The following NHEJ1 variants were observed in gnomAD, a reference collection of about 807,000 sequenced individuals.
NHEJ1 encodes the protein non-homologous end-joining factor 1.
NHEJ1 carries 22 observed loss-of-function variants against 39.4 expected under a neutral mutation model. The observed-to-expected ratio is 0.56, with a 90% CI of 0.40 to 0.80. The LOEUF (loss-of-function observed/expected upper bound fraction) is 0.80, where lower values mean the gene tolerates loss of function less well. NHEJ1 is among the 30% of genes least tolerant of loss of function. The pLI, the probability that NHEJ1 is intolerant of heterozygous loss-of-function variation, is 0.00. For synonymous variants in NHEJ1, 154 were observed against 135.6 expected, an observed-to-expected ratio of 1.14 and a Z score of -0.94; for missense variants, 329 against 357.1, an observed-to-expected ratio of 0.92 and a Z score of 0.63.
At chr2:219,122,346 T>A (rs747571327) in intron 5 of NHEJ1, among the ~76,000 whole-genome samples, 1 of 152,216 alleles carries the variant, frequency 6.6e-6, no homozygotes, top group African/African-American at 2.4e-5. Flanking sequence ...ACAGCACTCT[T>A]ACTTTGGTAA....
chr2:219,089,729 G>A (rs1574705782), intron 5 of NHEJ1, among the ~76,000 whole-genome samples: 1 of 152,032 alleles, frequency 6.6e-6, no homozygotes, highest in Admixed American at 6.5e-5. Context: ...TATACTTTTC[G>A]GTATATTTCA....
intron 3 of NHEJ1, among the ~76,000 whole-genome samples, chr2:219,152,384 T>C (rs1388729710): frequency 6.6e-6 from 1 of 152,066 alleles, no homozygotes; most frequent in Non-Finnish European, 1.5e-5. Context: ...AGCGGGAGAA[T>C]CACTTAGGCC....
At chr2:219,129,768 G>C (rs995958338) in intron 5 of NHEJ1, among the ~76,000 whole-genome samples, 3 of 152,204 alleles carry the variant, frequency 2.0e-5, no homozygotes, top group African/African-American at 7.2e-5. Flanking sequence ...GCGCGGCCAG[G>C]GGAGCCGTGC....
At chr2:219,126,705 T>C (rs1330545233) in intron 5 of NHEJ1, among the ~76,000 whole-genome samples, 3 of 151,978 alleles carry the variant, frequency 2.0e-5, no homozygotes, top group Admixed American at 6.5e-5. Flanking sequence ...AGTGTTGATA[T>C]GGCCTACGAT....
chr2:219,100,606 C>CT (rs1401828772), intron 5 of NHEJ1, among the ~76,000 whole-genome samples: 1 of 132,450 alleles, frequency 7.6e-6, no homozygotes, highest in African/African-American at 3.0e-5. Context: ...ATAAGACTGT[C>CT]TTTAAAAAAA....
intron 5 of NHEJ1, among the ~76,000 whole-genome samples, chr2:219,083,048 A>G (rs1208980098): frequency 6.6e-6 from 1 of 152,192 alleles, no homozygotes; most frequent in Non-Finnish European, 1.5e-5. Flanking sequence ...TCTTCAAGAA[A>G]TGTAACTCCC....
chr2:219,118,238 C>A (rs1408908358), intron 5 of NHEJ1, among the ~76,000 whole-genome samples: 1 of 152,226 alleles, frequency 6.6e-6, no homozygotes, highest in Admixed American at 6.5e-5. Context: ...TCTTTCTCTT[C>A]AGACTCCTCA....
At chr2:219,112,803 C>T (rs1949377445) in intron 5 of NHEJ1, among the ~76,000 whole-genome samples, 1 of 152,180 alleles carries the variant, frequency 6.6e-6, no homozygotes, top group South Asian at 2.1e-4. Flanking sequence ...CCCTCCTTTA[C>T]ACTCATGACT....
chr2:219,142,792 T>A (rs1949704007), intron 5 of NHEJ1, among the ~76,000 whole-genome samples: 1 of 152,238 alleles, frequency 6.6e-6, no homozygotes, highest in Non-Finnish European at 1.5e-5. Context: ...TATAGGGTTC[T>A]TGGCCTCCAT....
Position 219,147,756 on chromosome 2 carries a change from G to A in NHEJ1, c.430C>T (p.Leu144=). Residue 144 remains leucine, a synonymous_variant, in exon 4 of 8, where the codon CTG becomes TTG. Transcript: ENST00000356853. ...TCCCTCACTTGGCACTGTAATGCCAGACTCATGCCCATCAGAGGACGAATC... is the reference window on the plus strand; with the variant it reads ...TCCCTCACTTGGCACTGTAATGCCAAACTCATGCCCATCAGAGGACGAATC... ...HLIRPLMGMS[L]ALQCQVRELA... 1 of 1,614,076 alleles carries A rather than the reference G, an allele frequency of 6.2e-7. No homozygotes were observed. Among genetic ancestry groups the A allele is most frequent in the Non-Finnish European group, 8.5e-7 (1 of 1,179,946 alleles).
chr2:219,099,708 T>C (rs953513363), intron 5 of NHEJ1, among the ~76,000 whole-genome samples: 3 of 151,650 alleles, frequency 2.0e-5, no homozygotes, highest in Non-Finnish European at 4.4e-5. Flanking sequence ...GTAAGAGGAC[T>C]ATGAAAGAAG....
rs758728973 is a variant in NHEJ1 at position 219,076,438 on chromosome 2, C to T, written c.843G>A (p.Leu281=). ...EKESTGTSGP[L]QRPQLSKVKR... The stretch of plus-strand genomic sequence containing the variant: ...TGACCTTTGACAGCTGAGGTCTCTG[C>T]AGAGGGCCTGAAGTACCCTAGAAAA... The change falls in exon 8 of 8, where the codon CTG becomes CTA. Residue 281 remains leucine (L), a synonymous_variant. Transcript: ENST00000356853. 1 of 1,613,952 alleles carries T rather than the reference C, an allele frequency of 6.2e-7. No individual in the cohort carries two copies.
intron 5 of NHEJ1, among the ~76,000 whole-genome samples, chr2:219,138,541 G>T (rs1015125074): frequency 2.0e-4 from 30 of 152,216 alleles, no homozygotes; most frequent in Non-Finnish European, 4.0e-4. Flanking sequence ...AACACTTATA[G>T]AGTGCCTACT....
At chr2:219,126,085 GACCTTCT>G (rs1185986307) in intron 5 of NHEJ1, among the ~76,000 whole-genome samples, 1 of 152,136 alleles carries the variant, frequency 6.6e-6, no homozygotes, top group Admixed American at 6.5e-5. Context: ...ATTTTTCCTT[GACCTTCT>G]GTGTAATGAT....
intron 5 of NHEJ1, among the ~76,000 whole-genome samples, chr2:219,130,044 CTTTTT>C (rs11337813): frequency 7.4e-6 from 1 of 134,806 alleles, no homozygotes. Flanking sequence ...TATGTCCCTT[CTTTTT>C]TTTTTTTTTG....
rs2106320135 is a variant in NHEJ1, at chr2:219,078,157, T to C, written c.638A>G (p.Asn213Ser). 7.4e-6 allele frequency: 12 copies of C among 1,614,156 alleles called. No homozygotes were observed. The highest frequency in any genetic ancestry group is 1.0e-5 in the Non-Finnish European group (12 of 1,180,020). The part of the protein sequence containing the change: ...SIGDGKPFVM[N>S]LQDLYMAVTT... ...GACTGCCATATACAGATCCTGCAGA[T>C]TCATGACAAAGGGCTTTCCATCACC... Residue 213 changes from asparagine to serine, a missense_variant, in exon 6 of 8, where the codon AAT (asparagine) becomes AGT (serine). Physicochemically the swap from Asn to Ser is conservative, Grantham distance 46. Coordinates refer to ENST00000356853, the MANE Select transcript of NHEJ1 (RefSeq NM_024782.3).
At chr2:219,095,432 T>C (rs1949199262) in intron 5 of NHEJ1, 2 of 451,780 alleles carry the variant, frequency 4.4e-6, no homozygotes, top group East Asian at 1.4e-4. Flanking sequence ...TTAGCATGTG[T>C]TTCTGGGTGA....
chr2:219,093,212 A>G (rs1949177413), intron 5 of NHEJ1, among the ~76,000 whole-genome samples: 1 of 152,094 alleles, frequency 6.6e-6, no homozygotes, highest in African/African-American at 2.4e-5. Flanking sequence ...CTTAGGGAGG[A>G]GGGAAAGCCA....
rs1016153264 is a variant in NHEJ1 at position 219,076,190 on chromosome 2, T to C, written c.*191A>G. 5.5e-6 allele frequency: 7 copies of C among 1,269,292 alleles called. No individual in the cohort carries two copies. The highest frequency in any genetic ancestry group is 7.5e-6 in the Non-Finnish European group (7 of 932,804). The allele number at this position is 1,269,292 out of a possible 1,614,324, so 78.6% of individuals were successfully genotyped here. On this transcript the variant is annotated 3_prime_UTR_variant, in exon 8 of 8. Coordinates refer to ENST00000356853, the MANE Select transcript of NHEJ1 (RefSeq NM_024782.3). ...AGGAGAGCACGGGATTCTCAGAGACTGGCTTCCACTTGAACAGGGAAGGCC... is the reference window on the plus strand; with the variant it reads ...AGGAGAGCACGGGATTCTCAGAGACCGGCTTCCACTTGAACAGGGAAGGCC...
Sources: allele counts gnomAD v4.1 joint callset (sites outside exome capture counted in the v4.1 genomes callset), GRCh38; gene constraint gnomAD v4.1.1; transcripts MANE v1.5; gene names NCBI Gene and HGNC (gene_info 2026-07-23, HGNC 2026-07-21).